ZBTB44: variants seen among roughly 807,000 people sequenced by gnomAD.
ZBTB44 encodes the protein zinc finger and BTB domain-containing protein 44.
Under a neutral mutation model 54.0 loss-of-function variants are expected in ZBTB44, and 15 were observed. The ratio of observed to expected loss-of-function variants is 0.28; its 90% CI spans 0.19 to 0.43. The LOEUF is 0.43. Among genes scored for constraint, ZBTB44 ranks in the 20% least tolerant of loss-of-function variants. ZBTB44 has a pLI of 1.00. For synonymous variants in ZBTB44, 230 were observed against 250.1 expected (o/e 0.92, Z 0.76); for missense variants, 487 against 707.1 (o/e 0.69, Z 3.53).
chr11:130,297,616 G>C (rs544118986), intron 1 of ZBTB44, among the ~76,000 whole-genome samples: 1 of 152,180 alleles, frequency 6.6e-6, no homozygotes, highest in Non-Finnish European at 1.5e-5. Flanking sequence ...GACATTTGTA[G>C]ACAGACATGC....
At chr11:130,281,712 A>G (rs1425703447) in intron 1 of ZBTB44, among the ~76,000 whole-genome samples, 1 of 151,798 alleles carries the variant, frequency 6.6e-6, no homozygotes, top group African/African-American at 2.4e-5. Flanking sequence ...CTCCTGCCTC[A>G]GCCACCCAAG....
At chr11:130,307,346 ACC>A (rs1565341091) in intron 1 of ZBTB44, among the ~76,000 whole-genome samples, 1 of 151,652 alleles carries the variant, frequency 6.6e-6, no homozygotes, top group Non-Finnish European at 1.5e-5. Flanking sequence ...AATGGCGTGA[ACC>A]CAGGGGATGA....
At chr11:130,282,941 T>G (rs962419950) in intron 1 of ZBTB44, among the ~76,000 whole-genome samples, 6 of 151,820 alleles carry the variant, frequency 4.0e-5, no homozygotes, top group Non-Finnish European at 8.8e-5. Context: ...GTCTCCTAAG[T>G]AGCTGGGACT....
At chr11:130,275,232 A>G (rs776024478) in intron 1 of ZBTB44, among the ~76,000 whole-genome samples, 4 of 152,148 alleles carry the variant, frequency 2.6e-5, no homozygotes, top group African/African-American at 9.7e-5. Flanking sequence ...CTTCCTTAAT[A>G]TAAGCATCTG....
intron 1 of ZBTB44, among the ~76,000 whole-genome samples, chr11:130,306,204 T>C (rs1285266107): frequency 6.6e-6 from 1 of 152,152 alleles, no homozygotes; most frequent in Non-Finnish European, 1.5e-5. Flanking sequence ...TGGAGATTCC[T>C]TTAAGAACTA....
intron 7 of ZBTB44, chr11:130,232,317 T>C (rs1213908739): frequency 1.3e-5 from 2 of 151,820 alleles, no homozygotes; most frequent in African/African-American, 2.4e-5. Flanking sequence ...TTATTAAACT[T>C]TGGGTATCTA....
Position 130,239,876 on chromosome 11 carries a change from A to G in ZBTB44, c.1039T>C (p.Ser347Pro), listed in dbSNP as rs200809069. 1 of 1,611,584 alleles carries G rather than the reference A, an allele frequency of 6.2e-7. No individual in the cohort carries two copies. The highest frequency in any genetic ancestry group is 2.2e-5 in the East Asian group (1 of 44,836). ...CTTTGAAGTGTAGGCAAGCCCTCAGAAACGCCTTCATCTACTGAGCCTGTG... is the reference window on the plus strand; with the variant it reads ...CTTTGAAGTGTAGGCAAGCCCTCAGGAACGCCTTCATCTACTGAGCCTGTG... ...SSIGSVDEGV[S>P]EGLPTLQSTS... Residue 347 changes from serine (S) to proline (P), a missense_variant, in exon 3 of 8, where the codon TCT becomes CCT. Physicochemically the swap from Ser to Pro is moderately conservative, Grantham distance 74. Transcript: ENST00000357899.
At position 130,229,231 on chromosome 11, in the gene ZBTB44, T is replaced by C. The variant is rs576124103; in HGVS notation, c.*2533A>G. The C allele has an allele frequency of 3.9e-5, 6 of 152,156 alleles. No individual in the cohort carries two copies. In the East Asian group the frequency reaches 1.2e-3, roughly 29 times the overall value. 9.4% of individuals were successfully genotyped at this position (152,156 alleles called of 1,614,324 possible). ...TCCCATCATAAAAATATAATCACGA[T>C]AGAGTGGAAATGTCTAACTGTATTA... On this transcript the variant is annotated 3_prime_UTR_variant, in exon 8 of 8. Coordinates refer to ENST00000357899, the MANE Select transcript of ZBTB44 (RefSeq NM_001301098.2).
intron 2 of ZBTB44, among the ~76,000 whole-genome samples, chr11:130,258,445 A>G (rs2136415370): frequency 6.6e-6 from 1 of 152,312 alleles, no homozygotes; most frequent in South Asian, 2.1e-4. Context: ...AACTCACTGC[A>G]TGTCAATAAC....
At chr11:130,283,000 TA>T (rs971474244) in intron 1 of ZBTB44, among the ~76,000 whole-genome samples, 7 of 148,238 alleles carry the variant, frequency 4.7e-5, no homozygotes, top group Middle Eastern at 3.2e-3. Flanking sequence ...TAATTGTGGT[TA>T]AAAAAAATAT....
rs529229795 is a variant in ZBTB44, at chr11:130,279,378, G to A, written c.-56-17449C>T. ...TAATTGAAATCAAAATGTGGCTCAG[G>A]TTGGGTGCAGTGGCTCACACCTGTA... On this transcript the variant is annotated intron_variant, in intron 1 of 7. Transcript: ENST00000357899. Among the ~76,000 whole-genome samples the A allele has an allele frequency of 2.6e-5, 4 of 151,976 alleles. No individual in the cohort carries two copies. In the South Asian group the frequency reaches 6.2e-4, roughly 24 times the overall value.
At chr11:130,279,474 C>A (rs987321149) in intron 1 of ZBTB44, among the ~76,000 whole-genome samples, 1 of 152,108 alleles carries the variant, frequency 6.6e-6, no homozygotes, top group African/African-American at 2.4e-5. Context: ...GCCTGGCCAA[C>A]ACGGCAAAAC....
intron 1 of ZBTB44, among the ~76,000 whole-genome samples, chr11:130,293,737 C>T (rs537817975): frequency 8.6e-5 from 13 of 151,034 alleles, no homozygotes; most frequent in Non-Finnish European, 1.8e-4. Flanking sequence ...CGGAGGTTGC[C>T]GTGGGCCAAG....
intron 1 of ZBTB44, among the ~76,000 whole-genome samples, chr11:130,280,345 G>T (rs893399761): frequency 2.0e-5 from 3 of 152,240 alleles, no homozygotes; most frequent in South Asian, 2.1e-4. Flanking sequence ...GGTTGGAAAA[G>T]AATACATACC....
At chr11:130,313,190 G>A (rs1369586251) in intron 1 of ZBTB44, among the ~76,000 whole-genome samples, 2 of 152,154 alleles carry the variant, frequency 1.3e-5, no homozygotes, top group African/African-American at 4.8e-5. Context: ...TATCTTACTA[G>A]TTGTGTGCCC....
chr11:130,247,067 C>T (rs1300646217), intron 2 of ZBTB44, among the ~76,000 whole-genome samples: 4 of 152,184 alleles, frequency 2.6e-5, no homozygotes, highest in African/African-American at 9.6e-5. Flanking sequence ...AACCTCACTT[C>T]CTTGAACCCT....
Position 130,297,229 on chromosome 11 carries a change from G to A in ZBTB44, c.-57+17146C>T, listed in dbSNP as rs557765602. Among the ~76,000 whole-genome samples the A allele has an allele frequency of 9.6e-4, 146 of 152,246 alleles. 4 individuals are homozygous for A. The South Asian group carries it at 0.029, about 30-fold the overall frequency. ...CTATCAAGTCTCTTTTTATTTTTGG[G>A]ATATAAAACAGGCTCTAATTTTCTT... On this transcript the variant is annotated intron_variant, in intron 1 of 7. Transcript: ENST00000357899.
chr11:130,259,891 G>T (rs1938729902), intron 2 of ZBTB44, among the ~76,000 whole-genome samples: 1 of 151,830 alleles, frequency 6.6e-6, no homozygotes, highest in Admixed American at 6.6e-5. Flanking sequence ...ACCATGGCAT[G>T]TGTATACCTA....
chr11:130,227,779 A>G lies in ZBTB44; in HGVS notation c.*3985T>C, dbSNP rs1953744354. 1 of 152,128 alleles carries G rather than the reference A, an allele frequency of 6.6e-6. No individual in the cohort carries two copies. The allele number at this position is 152,128 out of a possible 1,614,324, so 9.4% of individuals were successfully genotyped here. ...TTTATTTAAAAAATTGTTACATCAA[A>G]ATTTTTTTCCTTCAAATCTGTGTCC... On this transcript the variant is annotated 3_prime_UTR_variant, in exon 8 of 8. Coordinates refer to ENST00000357899, the MANE Select transcript of ZBTB44 (RefSeq NM_001301098.2).
Sources: gnomAD v4.1 joint callset for allele counts (sites outside exome capture counted in the v4.1 genomes callset) on GRCh38, gnomAD v4.1.1 for gene constraint, MANE v1.5 for transcripts, NCBI Gene and HGNC (gene_info 2026-07-23, HGNC 2026-07-21) for gene names.